LRRC20: variants seen among roughly 807,000 people sequenced by gnomAD.
LRRC20 encodes the protein leucine-rich repeat-containing protein 20.
LRRC20 carries 11 observed loss-of-function variants against 14.4 expected under a neutral mutation model. The observed-to-expected ratio is 0.77, with a 90% CI of 0.48 to 1.27. The LOEUF (loss-of-function observed/expected upper bound fraction) is 1.27, where lower values mean the gene tolerates loss of function less well. Ranked by LOEUF, LRRC20 falls within the 50% of genes most tolerant of loss-of-function variation. The pLI is 0.00. For synonymous variants in LRRC20, 121 were observed against 107.3 expected (o/e 1.13, Z -0.79); for missense variants, 219 against 251.2 (o/e 0.87, Z 0.87).
intron 3 of LRRC20, among the ~76,000 whole-genome samples, chr10:70,336,343 G>A (rs113804020): frequency 1.4e-4 from 22 of 152,122 alleles, no homozygotes; most frequent in African/African-American, 2.4e-4. Flanking sequence ...CTCACAACCC[G>A]CAGCAGCCTG....
In LRRC20 at chr10:70,324,038, G is replaced by A. The variant is rs369608897; in HGVS notation, c.233-8C>T. 1,818 of 1,613,364 alleles carry A rather than the reference G, an allele frequency of 1.1e-3. 5 individuals carry two copies. Among genetic ancestry groups the A allele is most frequent in the East Asian group, 1.5e-3 (67 of 44,870 alleles). The stretch of plus-strand genomic sequence containing the variant: ...TCCCCTCCAGGTGGAGCTCTGCCAC[G>A]TGCAGGGAAGGAGAGAGAACAGGAT... On this transcript the variant is annotated splice_region_variant and splice_polypyrimidine_tract_variant and intron_variant, in intron 3 of 4. Coordinates refer to ENST00000446961, the MANE Select transcript of LRRC20 (RefSeq NM_001278212.2).
rs188170959 is a variant in LRRC20, at chr10:70,349,228, G to C, written c.83-8526C>G. ...CATGGTCAGGCAGAGTCTCCACAGA[G>C]AGAATTCCTAAACCAGCAGAGGCCA... On this transcript the variant is annotated intron_variant, in intron 2 of 4. Transcript: ENST00000446961. 9.2e-5 allele frequency among the ~76,000 whole-genome samples: 14 copies of C among 152,350 alleles called. No individual in the cohort carries two copies. The East Asian group carries it at 2.7e-3, about 29-fold the overall frequency.
chr10:70,304,179 AT>A (rs1461229577), intron 4 of LRRC20, among the ~76,000 whole-genome samples: 3 of 151,998 alleles, frequency 2.0e-5, no homozygotes, highest in Non-Finnish European at 4.4e-5. Context: ...CTCTGGCTGC[AT>A]CCGCTCTTCC....
At chr10:70,379,975 G>A (rs1185675462) in intron 1 of LRRC20, among the ~76,000 whole-genome samples, 2 of 152,158 alleles carry the variant, frequency 1.3e-5, no homozygotes, top group East Asian at 1.9e-4. Context: ...AATCTAATGC[G>A]GCCGCTGGTC....
intron 4 of LRRC20, among the ~76,000 whole-genome samples, chr10:70,318,760 A>T (rs1002735427): frequency 4.2e-5 from 2 of 47,168 alleles, no homozygotes; most frequent in Non-Finnish European, 1.3e-4. Flanking sequence ...TCTCAAAGAA[A>T]AAAAAAAAAG....
intron 1 of LRRC20, chr10:70,376,844 C>G: frequency 2.6e-6 from 1 of 388,252 alleles, no homozygotes; most frequent in East Asian, 5.8e-5. Context: ...CATGTGTGAC[C>G]TCACCAGACA....
intron 4 of LRRC20, among the ~76,000 whole-genome samples, chr10:70,304,727 CA>C (rs1243842253): frequency 6.6e-6 from 1 of 151,918 alleles, no homozygotes; most frequent in Non-Finnish European, 1.5e-5. Flanking sequence ...CTCCTCCCAG[CA>C]CCTGGCAACC....
At chr10:70,310,774 G>C (rs1841623471) in intron 4 of LRRC20, among the ~76,000 whole-genome samples, 1 of 152,220 alleles carries the variant, frequency 6.6e-6, no homozygotes. Context: ...CTCAAGAGTT[G>C]GGGCCCATTC....
At chr10:70,305,315 C>A (rs913935734) in intron 4 of LRRC20, among the ~76,000 whole-genome samples, 11 of 152,182 alleles carry the variant, frequency 7.2e-5, no homozygotes, top group Non-Finnish European at 1.3e-4. Flanking sequence ...CTGCTAAGAA[C>A]ATGAGTGCGC....
intron 4 of LRRC20, among the ~76,000 whole-genome samples, chr10:70,311,323 G>A (rs1841659486): frequency 1.3e-5 from 2 of 150,022 alleles, no homozygotes; most frequent in South Asian, 2.1e-4. Flanking sequence ...CCACCTCCTG[G>A]GTTCAAGTGA....
intron 4 of LRRC20, among the ~76,000 whole-genome samples, chr10:70,309,353 A>C (rs1841554423): frequency 6.6e-6 from 1 of 152,200 alleles, no homozygotes; most frequent in Non-Finnish European, 1.5e-5. Context: ...CAGGTAAGAA[A>C]ACTTGATTCT....
rs746381864 is a variant in LRRC20 at position 70,301,366 on chromosome 10, G to A, written c.543C>T (p.Ala181=). The A allele has an allele frequency of 1.9e-6, 3 of 1,612,888 alleles. No individual in the cohort carries two copies. Among genetic ancestry groups the A allele is most frequent in the Admixed American group, 1.7e-5 (1 of 59,942 alleles). Residue 181 remains alanine (A), a synonymous_variant, in exon 5 of 5, where the codon GCC becomes GCT. Coordinates refer to ENST00000446961, the MANE Select transcript of LRRC20 (RefSeq NM_001278212.2). ...DMLMSPEGAR[A]PLP ...TGAGGAGGGTGGCCTAAGGTAGGGG[G>A]GCTCTTGCGCCTTCCGGAGACATGA...
intron 1 of LRRC20, among the ~76,000 whole-genome samples, chr10:70,378,603 G>A (rs561167619): frequency 2.6e-5 from 4 of 151,856 alleles, no homozygotes; most frequent in South Asian, 4.2e-4. Flanking sequence ...CCTGGCCAAC[G>A]TGGTAAAACT....
intron 3 of LRRC20, among the ~76,000 whole-genome samples, chr10:70,336,084 C>G (rs141261293): frequency 1.3e-5 from 2 of 152,314 alleles, no homozygotes; most frequent in East Asian, 3.9e-4. Flanking sequence ...GTTTTCTTAT[C>G]ATTTCCAAAT....
chr10:70,301,391 A>C lies in LRRC20; in HGVS notation c.518T>G (p.Leu173Arg), dbSNP rs1841174489. The stretch of plus-strand genomic sequence containing the variant: ...GGCTCTTGCGCCTTCCGGAGACATG[A>C]GCATGTCAAACTTGATGAGCGGCGG... ...IAPPLIKFDMLMSPEGARAPL... is the reference protein window; with the variant it reads ...IAPPLIKFDMRMSPEGARAPL... Residue 173 changes from leucine to arginine, a missense_variant, in exon 5 of 5, where the codon CTC becomes CGC. Physicochemically the swap from Leu to Arg is moderately radical, Grantham distance 102. Coordinates refer to ENST00000446961, the MANE Select transcript of LRRC20 (RefSeq NM_001278212.2). 1.2e-6 allele frequency: 2 copies of C among 1,613,906 alleles called. No homozygotes were observed. Among genetic ancestry groups the C allele is most frequent in the East Asian group, 4.5e-5 (2 of 44,886 alleles).
At chr10:70,358,482 T>C (rs1244286052) in intron 2 of LRRC20, among the ~76,000 whole-genome samples, 3 of 152,176 alleles carry the variant, frequency 2.0e-5, no homozygotes, top group South Asian at 2.1e-4. Flanking sequence ...CTGTAAGCAA[T>C]GGCTTCTCAG....
chr10:70,352,443 G>A (rs574273757), intron 2 of LRRC20, among the ~76,000 whole-genome samples: 1 of 152,258 alleles, frequency 6.6e-6, no homozygotes, highest in Admixed American at 6.5e-5. Context: ...CAGTGGCAAG[G>A]GATTAGCAGG....
intron 2 of LRRC20, among the ~76,000 whole-genome samples, chr10:70,367,312 G>A (rs1309648651): frequency 8.6e-5 from 11 of 127,822 alleles, no homozygotes; most frequent in Non-Finnish European, 1.3e-4. Flanking sequence ...CTGGGCAAAA[G>A]AGTGAGACCC....
Position 70,300,978 on chromosome 10 carries a change from AC to A in LRRC20, c.*375del, listed in dbSNP as rs1442227029. On this transcript the variant is annotated 3_prime_UTR_variant, in exon 5 of 5. Coordinates refer to ENST00000446961, the MANE Select transcript of LRRC20 (RefSeq NM_001278212.2). ...GCTCAGAAAATACCTGGCAATGCCC[AC>A]CTGTGCCTGCTGATCTGGAGGTAAC... 1 of 1,015,500 alleles carries A rather than the reference AC, an allele frequency of 9.8e-7. No homozygotes were observed. The highest frequency in any genetic ancestry group is 9.3e-5 in the East Asian group (1 of 10,778). The allele number at this position is 1,015,500 out of a possible 1,614,324, so 62.9% of individuals were successfully genotyped here. A position where few individuals can be genotyped will look rare whatever the true frequency, so the allele number is the denominator to read the frequency against.
Sources: gnomAD v4.1 joint callset for allele counts (sites outside exome capture counted in the v4.1 genomes callset) on GRCh38, gnomAD v4.1.1 for gene constraint, MANE v1.5 for transcripts, NCBI Gene and HGNC (gene_info 2026-07-23, HGNC 2026-07-21) for gene names.